GOT1L1: variants seen among roughly 807,000 people sequenced by gnomAD.
GOT1L1 encodes the protein aspartate aminotransferase, cytoplasmic 2.
A neutral mutation model predicts 43.6 loss-of-function variants in GOT1L1; 38 were observed. That is an observed-to-expected ratio of 0.87 (90% CI 0.67 to 1.14). GOT1L1 has a LOEUF of 1.14. Ranked by LOEUF, GOT1L1 falls within the 50% of genes most tolerant of loss-of-function variation. The probability of loss-of-function intolerance (pLI) is 0.00; values close to 1 mark genes in which losing one functional copy is unlikely to be tolerated. For missense variants in GOT1L1, 482 were observed against 504.0 expected (o/e 0.96, Z 0.42); for synonymous variants, 183 against 187.2 (o/e 0.98, Z 0.18).
At chr8:37,939,557 A>G (rs1902207) in intron 1 of GOT1L1, among the ~76,000 whole-genome samples, 72,174 of 149,168 alleles carry the variant, frequency 0.48, 18,256 homozygotes, top group East Asian at 0.77. Flanking sequence ...CATAGCAGAA[A>G]GCTCAATCTG....
chr8:37,939,429 AAAATATATATATATATATATAT>A lies in GOT1L1; in HGVS notation c.115+464_115+485del, dbSNP rs1253413647. 2.3e-4 allele frequency among the ~76,000 whole-genome samples: 12 copies of A among 52,758 alleles called. 2 individuals carry two copies. Among genetic ancestry groups the A allele is most frequent in the South Asian group, 9.7e-4 (1 of 1,036 alleles). 34.6% of individuals were successfully genotyped at this position (52,758 alleles called of 152,430 possible). A position where few individuals can be genotyped will look rare whatever the true frequency, so the allele number is the denominator to read the frequency against. On this transcript the variant is annotated intron_variant, in intron 1 of 8. Transcript: ENST00000307599. ...GCCCTGTCTCAAGAAAAAAAAAAAAAAAATATATATATATATATATATATATATATATATATATATATATGCA... is the reference window on the plus strand; with the variant it reads ...GCCCTGTCTCAAGAAAAAAAAAAAAAATATATATATATATATATATATGCA...
At chr8:37,938,926 C>T (rs777747378) in intron 1 of GOT1L1, 45 bp from the exon 2 acceptor site, 2 of 1,585,436 alleles carry the variant, frequency 1.3e-6, no homozygotes, top group Non-Finnish European at 1.7e-6. Flanking sequence ...CTGGTTTGGG[C>T]CCCCAGGGCT....
intron 3 of GOT1L1, 41 bp downstream of exon 3, chr8:37,937,597 G>C: frequency 7.3e-7 from 1 of 1,362,630 alleles, no homozygotes. Context: ...TAGGAACAAG[G>C]GACGGGGATT....
At position 37,934,412 on chromosome 8, in the gene GOT1L1, T is replaced by C. The variant is rs771568246; in HGVS notation, c.1147A>G (p.Ile383Val). ...ATGTAATTTATGTTGTTGGCATTGA[T>C]ACAGCTGAAGTTAATCTGACCGTTC... is the stretch of plus-strand genomic sequence containing the variant. The part of the protein sequence containing the change: ...PKNGQINFSC[I>V]NANNINYITE... Residue 383 changes from isoleucine (I) to valine (V), a missense_variant, in exon 9 of 9, where the codon ATC (isoleucine) becomes GTC (valine). Transcript: ENST00000307599. 3.0e-5 allele frequency: 49 copies of C among 1,613,780 alleles called. No homozygotes were observed. The highest frequency in any genetic ancestry group is 4.0e-5 in the African/African-American group (3 of 74,928).
At chr8:37,939,276 T>G (rs2130276871) in intron 1 of GOT1L1, among the ~76,000 whole-genome samples, 1 of 151,172 alleles carries the variant, frequency 6.6e-6, no homozygotes, top group South Asian at 2.1e-4. Flanking sequence ...CAGCCAGACA[T>G]GGTGACCAGC....
rs752633086 is a variant in GOT1L1, at chr8:37,935,131, A to C, written c.1014T>G (p.Pro338=). 6.2e-7 allele frequency: 1 copy of C among 1,613,552 alleles called. No individual in the cohort carries two copies. The highest frequency in any genetic ancestry group is 8.5e-7 in the Non-Finnish European group (1 of 1,179,680). Residue 338 remains proline (P), a synonymous_variant, in exon 8 of 9, where the codon CCT becomes CCG. Coordinates refer to ENST00000307599, the MANE Select transcript of GOT1L1 (RefSeq NM_152413.3). ...GCTCGGTGATGTGACCCCAGGACCC[A>C]GGGGTTCCCAGGAGCTGGAGTTTCT... ...VKEKLQLLGT[P]GSWGHITEQS...
In GOT1L1 at chr8:37,935,858, C is replaced by G; in HGVS notation, c.775G>C (p.Gly259Arg). The change falls in exon 7 of 9, where the codon GGG becomes CGG. Residue 259 changes from glycine to arginine, a missense_variant. Transcript: ENST00000307599. ...KNFGIYDEGV[G>R]MLVVVAVNNQ... ...TTGACTGCCACCACCACTAGCATCC[C>G]CACTCCTTCATCTGCAGTGTTGGGA... 6.2e-7 allele frequency: 1 copy of G among 1,612,944 alleles called. No homozygotes were observed. Among genetic ancestry groups the G allele is most frequent in the Non-Finnish European group, 8.5e-7 (1 of 1,179,444 alleles).
In GOT1L1 at chr8:37,937,350, G is replaced by A. The variant is rs1018849612; in HGVS notation, c.446C>T (p.Thr149Ile). The A allele has an allele frequency of 1.9e-6, 3 of 1,609,272 alleles. No individual in the cohort carries two copies. Among genetic ancestry groups the A allele is most frequent in the Non-Finnish European group, 2.5e-6 (3 of 1,178,160 alleles). The change falls in exon 4 of 9, where the codon ACA becomes ATA. Residue 149 changes from threonine (T) to isoleucine (I), a missense_variant. By Grantham distance (89) the Thr-to-Ile change is moderately conservative. Coordinates refer to ENST00000307599, the MANE Select transcript of GOT1L1 (RefSeq NM_152413.3). ...GTCCCAGACAGAGTATTCATAAACT[G>A]TAAAGCCCATGTCCTGGAAGACGAG... is the stretch of plus-strand genomic sequence containing the variant. ...HGLVFQDMGF[T>I]VYEYSVWDPK...
intron 1 of GOT1L1, 147 bp from the exon 2 acceptor site, chr8:37,939,028 T>C (rs975144948): frequency 3.0e-6 from 2 of 677,314 alleles, no homozygotes; most frequent in Non-Finnish European, 5.2e-6. Context: ...CCTTTTCTTT[T>C]CTCCTTGATG....
At chr8:37,937,578 G>T in intron 3 of GOT1L1, 60 bp downstream of exon 3, 1 of 1,251,328 alleles carries the variant, frequency 8.0e-7, no homozygotes, top group Non-Finnish European at 1.1e-6. Flanking sequence ...TGGCAAATGG[G>T]GTGAGGATTA....
chr8:37,938,982 G>C (rs765637284), intron 1 of GOT1L1, 101 bp from the exon 2 acceptor site: 1 of 1,037,640 alleles, frequency 9.6e-7, no homozygotes, highest in East Asian at 2.6e-5. Flanking sequence ...GGACTCCATG[G>C]GGCTGTGGGA....
In GOT1L1 at chr8:37,940,090, A is replaced by G; in HGVS notation, c.-61T>C. On this transcript the variant is annotated 5_prime_UTR_variant, in exon 1 of 9. Coordinates refer to ENST00000307599, the MANE Select transcript of GOT1L1 (RefSeq NM_152413.3). ...CTGCTCCTGTGTTCCGCTTCTGCCCAGAAGTCTTCCTCCAAGGCTGGGCCG... is the reference window on the plus strand; with the variant it reads ...CTGCTCCTGTGTTCCGCTTCTGCCCGGAAGTCTTCCTCCAAGGCTGGGCCG... 1 of 1,542,500 alleles carries G rather than the reference A, an allele frequency of 6.5e-7. No individual in the cohort carries two copies. Among genetic ancestry groups the G allele is most frequent in the Non-Finnish European group, 8.8e-7 (1 of 1,142,616 alleles).
Position 37,934,534 on chromosome 8 carries a change from TCTC to T in GOT1L1, c.1073-51_1073-49del, listed in dbSNP as rs757804907. The T allele has an allele frequency of 3.8e-6, 5 of 1,333,110 alleles. No homozygotes were observed. In the African/African-American group the frequency reaches 7.2e-5, roughly 19 times the overall value. The allele number at this position is 1,333,110 out of a possible 1,614,324, so 82.6% of individuals were successfully genotyped here. ...GATCTCGAGACTGGCCATCTCGAAT[TCTC>T]CTCTAGCCCAGGCTGGTTTATTTTC... On this transcript the variant is annotated intron_variant, in intron 8 of 8. Coordinates refer to ENST00000307599, the MANE Select transcript of GOT1L1 (RefSeq NM_152413.3).
At chr8:37,937,215 G>A (rs1197794730) in intron 4 of GOT1L1, 62 bp downstream of exon 4, 11 of 1,253,832 alleles carry the variant, frequency 8.8e-6, no homozygotes, top group African/African-American at 3.0e-5. Flanking sequence ...GGTGTGGGGA[G>A]GAGAGGAACA....
intron 6 of GOT1L1, 21 bp downstream of exon 6, chr8:37,936,699 C>T: frequency 6.3e-7 from 1 of 1,590,394 alleles, no homozygotes; most frequent in Admixed American, 1.7e-5. Flanking sequence ...CAGACCCTCC[C>T]TTCTTCTGCC....
intron 2 of GOT1L1, among the ~76,000 whole-genome samples, chr8:37,938,210 A>G (rs1807817344): frequency 6.6e-6 from 1 of 152,210 alleles, no homozygotes; most frequent in African/African-American, 2.4e-5. Context: ...CAGCCTGGCC[A>G]ACATGGTGAA....
chr8:37,934,823 G>A (rs1036120835), intron 8 of GOT1L1, among the ~76,000 whole-genome samples: 3 of 152,020 alleles, frequency 2.0e-5, no homozygotes, highest in Non-Finnish European at 2.9e-5. Flanking sequence ...TGACCCACCC[G>A]CCTCGGCCTC....
chr8:37,935,328 G>A (rs1807715720), intron 7 of GOT1L1, 113 bp from the exon 8 acceptor site: 1 of 1,080,026 alleles, frequency 9.3e-7, no homozygotes, highest in Admixed American at 2.8e-5. Context: ...GAGTGCCAGA[G>A]GCTCTGGGAT....
chr8:37,938,613 C>A, intron 2 of GOT1L1, 87 bp downstream of exon 2: 12 of 1,250,796 alleles, frequency 9.6e-6, no homozygotes, highest in Non-Finnish European at 1.3e-5. Context: ...GGGGGCCCTC[C>A]GAGGTCCCCT....
Sources: gnomAD v4.1 joint callset for allele counts (sites outside exome capture counted in the v4.1 genomes callset) on GRCh38, gnomAD v4.1.1 for gene constraint, MANE v1.5 for transcripts, NCBI Gene and HGNC (gene_info 2026-07-23, HGNC 2026-07-21) for gene names.